PDE4B: variants seen among roughly 807,000 people sequenced by gnomAD.
PDE4B encodes phosphodiesterase 4B, also known as 3',5'-cyclic-AMP phosphodiesterase 4B.
PDE4B carries 20 observed loss-of-function variants against 82.2 expected under a neutral mutation model. The observed-to-expected ratio is 0.24, with a 90% CI of 0.17 to 0.35. The LOEUF (loss-of-function observed/expected upper bound fraction) is 0.35. PDE4B is among the 10% of genes least tolerant of loss of function. The probability of loss-of-function intolerance (pLI) is 1.00; values close to 1 mark genes in which losing one functional copy is unlikely to be tolerated. For synonymous variants in PDE4B, 320 were observed against 318.9 expected (o/e 1.00, Z -0.04); for missense variants, 655 against 907.2 (o/e 0.72, Z 3.57).
chr1:66,111,723 C>T (rs1645488796), intron 3 of PDE4B, among the ~76,000 whole-genome samples: 1 of 152,072 alleles, frequency 6.6e-6, no homozygotes, highest in Admixed American at 6.6e-5. Flanking sequence ...TCAGCTTTCT[C>T]ACTGGCCATG....
chr1:66,049,713 G>T (rs1654911250), intron 3 of PDE4B, among the ~76,000 whole-genome samples: 1 of 152,002 alleles, frequency 6.6e-6, no homozygotes, highest in African/African-American at 2.4e-5. Context: ...ATGCCCATTT[G>T]CAGTGTGGTA....
chr1:65,897,643 G>C (rs2100409289), intron 1 of PDE4B, among the ~76,000 whole-genome samples: 1 of 152,184 alleles, frequency 6.6e-6, no homozygotes, highest in East Asian at 1.9e-4. Context: ...CTGCACCCAA[G>C]TTGTTGCAAA....
chr1:66,190,219 C>T (rs1387811762), intron 3 of PDE4B, among the ~76,000 whole-genome samples: 1 of 152,168 alleles, frequency 6.6e-6, no homozygotes, highest in Non-Finnish European at 1.5e-5. Flanking sequence ...GAGTACCTGG[C>T]CGTGTGAGAT....
chr1:66,306,636 T>G (rs1658298479), intron 7 of PDE4B, among the ~76,000 whole-genome samples: 1 of 152,128 alleles, frequency 6.6e-6, no homozygotes, highest in Admixed American at 6.6e-5. Context: ...TGGAGAAGAC[T>G]TAATCATTTT....
intron 3 of PDE4B, among the ~76,000 whole-genome samples, chr1:66,020,262 C>A (rs886356479): frequency 1.7e-4 from 26 of 151,888 alleles, no homozygotes; most frequent in African/African-American, 5.1e-4. Context: ...AAATAGTGAA[C>A]GTTAGGAAGG....
chr1:66,150,461 C>T (rs1226663987), intron 3 of PDE4B, among the ~76,000 whole-genome samples: 1 of 152,170 alleles, frequency 6.6e-6, no homozygotes, highest in Admixed American at 6.5e-5. Context: ...TTTCTATTTA[C>T]AAGATTATGA....
intron 1 of PDE4B, among the ~76,000 whole-genome samples, chr1:65,840,193 G>GTA (rs1266332665): frequency 1.3e-5 from 2 of 152,048 alleles, no homozygotes; most frequent in Non-Finnish European, 2.9e-5. Context: ...GTGTGTGTGT[G>GTA]TACGTATAAA....
At chr1:66,209,858 T>G (rs1344554616) in intron 3 of PDE4B, among the ~76,000 whole-genome samples, 1 of 152,248 alleles carries the variant, frequency 6.6e-6, no homozygotes, top group Non-Finnish European at 1.5e-5. Flanking sequence ...ATTCAATAGT[T>G]CATTCTTTTT....
intron 7 of PDE4B, among the ~76,000 whole-genome samples, chr1:66,310,692 C>T (rs1305254791): frequency 6.6e-6 from 1 of 152,088 alleles, no homozygotes; most frequent in Non-Finnish European, 1.5e-5. Flanking sequence ...ATTGCTCTTC[C>T]ACTGCCCCCA....
At chr1:66,341,761 C>T (rs75134440) in intron 8 of PDE4B, among the ~76,000 whole-genome samples, 5,608 of 152,246 alleles carry the variant, frequency 0.037, 345 homozygotes, top group African/African-American at 0.12. Context: ...CTTGGGTTCT[C>T]TCTGCCACTT....
chr1:66,074,352 G>A (rs2455028), intron 3 of PDE4B, among the ~76,000 whole-genome samples: 15,625 of 152,074 alleles, frequency 0.1, 953 homozygotes, highest in South Asian at 0.22. Context: ...TGCTGATTAA[G>A]CACTATTTCA....
At chr1:65,832,120 C>T (rs1646088604) in intron 1 of PDE4B, among the ~76,000 whole-genome samples, 1 of 152,130 alleles carries the variant, frequency 6.6e-6, no homozygotes, top group Non-Finnish European at 1.5e-5. Context: ...AATCTTTGGA[C>T]TCCTAATGAT....
At chr1:66,102,201 A>C (rs1428948791) in intron 3 of PDE4B, among the ~76,000 whole-genome samples, 1 of 151,742 alleles carries the variant, frequency 6.6e-6, no homozygotes, top group Non-Finnish European at 1.5e-5. Flanking sequence ...TATCTCTATA[A>C]TCTAAGATCT....
intron 9 of PDE4B, chr1:66,360,452 G>A (rs779608837): frequency 1.1e-4 from 16 of 152,126 alleles, no homozygotes; most frequent in Non-Finnish European, 1.8e-4. Context: ...AAAACAAATC[G>A]TCTAGATCCC....
At chr1:66,134,963 G>A (rs1446545749) in intron 3 of PDE4B, among the ~76,000 whole-genome samples, 1 of 152,196 alleles carries the variant, frequency 6.6e-6, no homozygotes, top group Non-Finnish European at 1.5e-5. Flanking sequence ...TAATTACATA[G>A]TCGTACAAAA....
At chr1:66,271,823 A>G (rs1418187170) in intron 7 of PDE4B, among the ~76,000 whole-genome samples, 1 of 152,208 alleles carries the variant, frequency 6.6e-6, no homozygotes, top group Admixed American at 6.5e-5. Context: ...GGTTGCATAA[A>G]TTATTTAGGC....
At chr1:65,885,394 A>G (rs1451186317) in intron 1 of PDE4B, among the ~76,000 whole-genome samples, 2 of 152,204 alleles carry the variant, frequency 1.3e-5, no homozygotes, top group South Asian at 2.1e-4. Context: ...TCATGCTGCT[A>G]TAAAGACACA....
chr1:66,092,462 T>C (rs1465155122), intron 3 of PDE4B, among the ~76,000 whole-genome samples: 2 of 152,060 alleles, frequency 1.3e-5, no homozygotes, highest in Non-Finnish European at 2.9e-5. Context: ...ATTATGGACC[T>C]ATTAGGTACC....
chr1:66,289,594 G>T (rs1460788881), intron 7 of PDE4B, among the ~76,000 whole-genome samples: 1 of 151,924 alleles, frequency 6.6e-6, no homozygotes, highest in Non-Finnish European at 1.5e-5. Flanking sequence ...TGGGGTTGGT[G>T]GCATATAGAC....
Sources: gnomAD v4.1 joint callset for allele counts (sites outside exome capture counted in the v4.1 genomes callset) on GRCh38, gnomAD v4.1.1 for gene constraint, MANE v1.5 for transcripts, NCBI Gene and HGNC (gene_info 2026-07-23, HGNC 2026-07-21) for gene names.